The following KL variants were observed in gnomAD, a reference collection of about 807,000 sequenced individuals.
KL encodes alpha-klotho.
In KL, 62 loss-of-function variants were observed where a neutral mutation model predicts 84.2. The ratio of observed to expected loss-of-function variants is 0.74; its 90% CI spans 0.60 to 0.91. The LOEUF (loss-of-function observed/expected upper bound fraction) is 0.91, where lower values mean the gene tolerates loss of function less well. Among genes scored for constraint, KL ranks in the 40% least tolerant of loss-of-function variants. KL has a pLI of 0.00. For synonymous variants in KL, 528 were observed against 528.0 expected (o/e 1.00, Z 0.00); for missense variants, 1,261 against 1,305.7 (o/e 0.97, Z 0.53).
Position 33,061,694 on chromosome 13 carries a change from C to A in KL, c.2615C>A (p.Ser872Tyr), listed in dbSNP as rs778467288. 1 of 1,613,992 alleles carries A rather than the reference C, an allele frequency of 6.2e-7. No homozygotes were observed. Among genetic ancestry groups the A allele is most frequent in the South Asian group, 1.1e-5 (1 of 91,076 alleles). The change falls in exon 4 of 5, where the codon TCC (serine) becomes TAC (tyrosine). Residue 872 changes from serine to tyrosine, a missense_variant. Transcript: ENST00000380099. ...GGAGACCTCCCCATGTACATAATAT[C>A]CAATGGAATCGATGACGGGCTGCAT... ...KYGDLPMYII[S>Y]NGIDDGLHAE...
At chr13:33,042,711 G>A (rs1287763585) in intron 1 of KL, among the ~76,000 whole-genome samples, 4 of 151,886 alleles carry the variant, frequency 2.6e-5, no homozygotes, top group Admixed American at 6.6e-5. Flanking sequence ...ATGGGGTTTC[G>A]CTCTTGTTCC....
In KL at chr13:33,029,008, G is replaced by A. The variant is rs530976947; in HGVS notation, c.819+11749G>A. Among the ~76,000 whole-genome samples the A allele has an allele frequency of 4.0e-3, 597 of 147,668 alleles. 7 individuals carry two copies. The highest frequency in any genetic ancestry group is 0.014 in the African/African-American group (567 of 40,186). ...AAAGTGGTTGCCTCTAGAGAGAACTGGGGGAATTGTAGGGCAATGTAGGAC... is the reference window on the plus strand; with the variant it reads ...AAAGTGGTTGCCTCTAGAGAGAACTAGGGGAATTGTAGGGCAATGTAGGAC... On this transcript the variant is annotated intron_variant, in intron 1 of 4. Transcript: ENST00000380099.
intron 1 of KL, 43 bp downstream of exon 1, chr13:33,017,302 G>A: frequency 1.3e-6 from 2 of 1,504,856 alleles, no homozygotes; most frequent in Non-Finnish European, 1.8e-6. Context: ...AGGGGAGACA[G>A]AGGGCCTCCA....
chr13:33,055,108 C>T lies in KL; in HGVS notation c.1392C>T (p.Phe464=), dbSNP rs751485574. Residue 464 remains phenylalanine, a synonymous_variant, in exon 3 of 5, where the codon TTC becomes TTT. Coordinates refer to ENST00000380099, the MANE Select transcript of KL (RefSeq NM_004795.4). ...CCGCATGGTCCCTCATGGATGGTTT[C>T]GAGTGGCACAGAGGTTACAGCATCA... is the stretch of plus-strand genomic sequence containing the variant. The part of the protein sequence containing the change: ...GYTAWSLMDG[F]EWHRGYSIRR... The T allele has an allele frequency of 9.4e-5, 152 of 1,614,012 alleles. No individual in the cohort carries two copies. The East Asian group carries it at 2.7e-3, about 29-fold the overall frequency.
At chr13:33,058,772 T>G (rs1021167880) in intron 3 of KL, among the ~76,000 whole-genome samples, 1 of 152,234 alleles carries the variant, frequency 6.6e-6, no homozygotes, top group Non-Finnish European at 1.5e-5. Context: ...GTTATGAATT[T>G]AGTCAACTCA....
chr13:33,022,898 T>G (rs1277881067), intron 1 of KL, among the ~76,000 whole-genome samples: 1 of 152,282 alleles, frequency 6.6e-6, no homozygotes, highest in East Asian at 1.9e-4. Context: ...AATGGAATAT[T>G]GCGCTTGCAG....
At chr13:33,030,214 G>C (rs144972227) in intron 1 of KL, among the ~76,000 whole-genome samples, 79 of 152,176 alleles carry the variant, frequency 5.2e-4, no homozygotes, top group African/African-American at 1.8e-3. Context: ...TAAAGGTCTC[G>C]CTTAATACTA....
chr13:33,016,854 G>T lies in KL; in HGVS notation c.414G>T (p.Ala138=). 6.2e-7 allele frequency: 1 copy of T among 1,612,794 alleles called. No individual in the cohort carries two copies. The highest frequency in any genetic ancestry group is 1.7e-4 in the Middle Eastern group (1 of 6,060). Residue 138 remains alanine (A), a synonymous_variant, in exon 1 of 5, where the codon GCG becomes GCT. Transcript: ENST00000380099. Reference sequence around the variant, plus strand: ...ACAACGTCTTCCGCGACACGGAGGCGCTGCGCGAGCTCGGGGTCACTCACT... The same window carrying T: ...ACAACGTCTTCCGCGACACGGAGGCTCTGCGCGAGCTCGGGGTCACTCACT... The part of the protein sequence containing the change: ...SYNNVFRDTE[A]LRELGVTHYR...
intron 3 of KL, among the ~76,000 whole-genome samples, chr13:33,058,486 G>A (rs1383136499): frequency 2.0e-5 from 3 of 151,866 alleles, no homozygotes; most frequent in Admixed American, 6.6e-5. Context: ...GGCTACAGGT[G>A]CCCGCCACCG....
At chr13:33,033,789 A>T (rs1255850684) in intron 1 of KL, among the ~76,000 whole-genome samples, 1 of 152,014 alleles carries the variant, frequency 6.6e-6, no homozygotes, top group Middle Eastern at 3.2e-3. Context: ...ACAGGAAGTC[A>T]CCAAATTTAC....
chr13:33,065,952 T>C lies in KL; in HGVS notation c.*1766T>C, dbSNP rs568662502. ...GTTGTTGAGTATTCCACCACAGGAA[T>C]GTATCACAACTTAACCGTTCCCGTT... On this transcript the variant is annotated 3_prime_UTR_variant, in exon 5 of 5. Transcript: ENST00000380099. 3 of 176,838 alleles carry C rather than the reference T, an allele frequency of 1.7e-5. No individual in the cohort carries two copies. Among genetic ancestry groups the C allele is most frequent in the Non-Finnish European group, 3.7e-5 (3 of 82,180 alleles). 11.0% of individuals were successfully genotyped at this position (176,838 alleles called of 1,614,324 possible).
At chr13:33,058,529 AC>A (rs1872053950) in intron 3 of KL, among the ~76,000 whole-genome samples, 1 of 151,686 alleles carries the variant, frequency 6.6e-6, no homozygotes, top group South Asian at 2.1e-4. Flanking sequence ...TTTAGTAGAG[AC>A]CGGGTTTCAC....
chr13:33,046,468 T>C (rs1354290284), intron 1 of KL, among the ~76,000 whole-genome samples: 1 of 152,216 alleles, frequency 6.6e-6, no homozygotes, highest in African/African-American at 2.4e-5. Context: ...ATAGAAATGA[T>C]ATACAGAAAA....
At chr13:33,033,025 C>G (rs1285217694) in intron 1 of KL, among the ~76,000 whole-genome samples, 2 of 152,186 alleles carry the variant, frequency 1.3e-5, no homozygotes, top group African/African-American at 4.8e-5. Context: ...TGTTTGACCC[C>G]TCACGATGCC....
chr13:33,044,798 G>A (rs996546856), intron 1 of KL, among the ~76,000 whole-genome samples: 1 of 151,820 alleles, frequency 6.6e-6, no homozygotes, highest in African/African-American at 2.4e-5. Flanking sequence ...CTATGGGTGT[G>A]AGCCAGTGTT....
At chr13:33,060,270 CT>C (rs1183647437) in intron 3 of KL, among the ~76,000 whole-genome samples, 1 of 152,170 alleles carries the variant, frequency 6.6e-6, no homozygotes, top group Non-Finnish European at 1.5e-5. Context: ...TAAGTTTTTT[CT>C]TTTTTTCATC....
intron 1 of KL, among the ~76,000 whole-genome samples, chr13:33,053,369 A>G (rs994378031): frequency 6.6e-6 from 1 of 152,240 alleles, no homozygotes; most frequent in Non-Finnish European, 1.5e-5. Context: ...CTATTTAGAA[A>G]TTCCTGGTGT....
chr13:33,027,965 G>T (rs1487252513), intron 1 of KL, among the ~76,000 whole-genome samples: 2 of 152,222 alleles, frequency 1.3e-5, no homozygotes, highest in Non-Finnish European at 2.9e-5. Context: ...CATGATGTGT[G>T]TCCAACAACT....
At position 33,061,113 on chromosome 13, in the gene KL, C is replaced by T; in HGVS notation, c.2034C>T (p.Gly678=). 1 of 1,613,972 alleles carries T rather than the reference C, an allele frequency of 6.2e-7. No homozygotes were observed. The highest frequency in any genetic ancestry group is 1.1e-5 in the South Asian group (1 of 91,046). ...CCCGACTGTGCTTTCAAGAGCTCGG[C>T]CATCACGTCAAGCTTTGGATAACGA... is the stretch of plus-strand genomic sequence containing the variant. The part of the protein sequence containing the change: ...EYARLCFQEL[G]HHVKLWITMN... Residue 678 remains glycine, a synonymous_variant, in exon 4 of 5, where the codon GGC becomes GGT. Transcript: ENST00000380099.
Sources: allele counts gnomAD v4.1 joint callset (sites outside exome capture counted in the v4.1 genomes callset), GRCh38; gene constraint gnomAD v4.1.1; transcripts MANE v1.5; gene names NCBI Gene and HGNC (gene_info 2026-07-23, HGNC 2026-07-21).